The following MARCHF1 variants were observed in gnomAD, a reference collection of about 807,000 sequenced individuals.
MARCHF1 encodes E3 ubiquitin-protein ligase MARCHF1.
Under a neutral mutation model 54.2 loss-of-function variants are expected in MARCHF1, and 40 were observed. That is an observed-to-expected ratio of 0.74 (90% CI 0.57 to 0.96). MARCHF1 has a LOEUF of 0.96. Ranked by LOEUF, MARCHF1 falls within the 40% of genes least tolerant of loss-of-function variation. The pLI, the probability that MARCHF1 is intolerant of heterozygous loss-of-function variation, is 0.00. For missense variants in MARCHF1, 586 were observed against 656.5 expected (o/e 0.89, Z 1.17); for synonymous variants, 236 against 236.3 (o/e 1.00, Z 0.01).
chr4:163,750,557 C>T (rs866146525), intron 4 of MARCHF1, among the ~76,000 whole-genome samples: 7 of 123,974 alleles, frequency 5.6e-5, no homozygotes, highest in Middle Eastern at 4.3e-3. Flanking sequence ...AATAAATAAA[C>T]GTATCTGACA....
chr4:163,756,631 C>CAAAAA, intron 4 of MARCHF1, among the ~76,000 whole-genome samples: 1 of 67,580 alleles, frequency 1.5e-5, no homozygotes, highest in Non-Finnish European at 2.4e-5. Flanking sequence ...GACTCTGTCT[C>CAAAAA]AAAAAAAAAA....
intron 4 of MARCHF1, among the ~76,000 whole-genome samples, chr4:163,832,626 A>C (rs1749060360): frequency 6.7e-6 from 1 of 150,264 alleles, no homozygotes; most frequent in African/African-American, 2.4e-5. Context: ...TTTAGGGTAC[A>C]TGTGCACAAC....
chr4:164,375,445 A>G (rs771437023), intron 1 of MARCHF1, among the ~76,000 whole-genome samples: 1 of 152,168 alleles, frequency 6.6e-6, no homozygotes, highest in Non-Finnish European at 1.5e-5. Flanking sequence ...ACATTGAGTA[A>G]TAAATAAATA....
chr4:164,255,190 G>T (rs1733243244), intron 1 of MARCHF1, among the ~76,000 whole-genome samples: 1 of 152,068 alleles, frequency 6.6e-6, no homozygotes, highest in African/African-American at 2.4e-5. Flanking sequence ...GTTGCCATCA[G>T]GGAAAGCTGG....
At chr4:163,663,341 C>T (rs1048483141) in intron 5 of MARCHF1, among the ~76,000 whole-genome samples, 1 of 151,302 alleles carries the variant, frequency 6.6e-6, no homozygotes, top group Non-Finnish European at 1.5e-5. Flanking sequence ...CACAACTGAC[C>T]ACCCCCCAGG....
intron 3 of MARCHF1, among the ~76,000 whole-genome samples, chr4:163,977,076 AGT>A (rs2110855511): frequency 6.6e-6 from 1 of 152,134 alleles, no homozygotes; most frequent in South Asian, 2.1e-4. Flanking sequence ...TATATAAAAC[AGT>A]GCTAAGTCAA....
At chr4:163,806,786 C>G (rs1748236461) in intron 4 of MARCHF1, among the ~76,000 whole-genome samples, 1 of 152,044 alleles carries the variant, frequency 6.6e-6, no homozygotes, top group African/African-American at 2.4e-5. Flanking sequence ...TTTTATGGAT[C>G]AATAAACCTG....
intron 1 of MARCHF1, among the ~76,000 whole-genome samples, chr4:164,113,556 G>A (rs1440472628): frequency 2.0e-5 from 3 of 152,072 alleles, no homozygotes; most frequent in South Asian, 2.1e-4. Context: ...GGTCAGCACC[G>A]GCGTTCTTAC....
At chr4:163,769,045 A>C (rs141900153) in intron 4 of MARCHF1, among the ~76,000 whole-genome samples, 1 of 152,200 alleles carries the variant, frequency 6.6e-6, no homozygotes, top group Non-Finnish European at 1.5e-5. Context: ...CTTAGTTAGC[A>C]AAAGACTATT....
intron 1 of MARCHF1, among the ~76,000 whole-genome samples, chr4:164,172,996 A>AAAAAAAT: frequency 6.6e-6 from 1 of 151,920 alleles, no homozygotes; most frequent in African/African-American, 2.4e-5. Flanking sequence ...AAAAAAAAAA[A>AAAAAAAT]GTCACTGTAA....
chr4:164,215,371 T>C (rs1463100795), intron 1 of MARCHF1, among the ~76,000 whole-genome samples: 2 of 152,164 alleles, frequency 1.3e-5, no homozygotes, highest in East Asian at 3.9e-4. Flanking sequence ...CTTCCACCGA[T>C]GCATTCCTCT....
At chr4:164,145,807 G>A (rs1729700602) in intron 1 of MARCHF1, among the ~76,000 whole-genome samples, 1 of 125,486 alleles carries the variant, frequency 8.0e-6, no homozygotes, top group Non-Finnish European at 1.7e-5. Context: ...ACATAGTGTT[G>A]GAAGTTCTGG....
intron 1 of MARCHF1, among the ~76,000 whole-genome samples, chr4:164,286,612 G>T (rs1734152607): frequency 1.3e-5 from 2 of 151,806 alleles, no homozygotes; most frequent in South Asian, 4.2e-4. Context: ...TAGAAGCCAT[G>T]GGAATATGTG....
At chr4:163,648,621 A>C (rs1020793072) in intron 5 of MARCHF1, among the ~76,000 whole-genome samples, 2 of 151,422 alleles carry the variant, frequency 1.3e-5, no homozygotes, top group African/African-American at 4.8e-5. Context: ...CTAAAAAAAA[A>C]AAAAAAAACT....
chr4:164,092,639 T>C (rs1755329117), intron 2 of MARCHF1, among the ~76,000 whole-genome samples: 1 of 152,180 alleles, frequency 6.6e-6, no homozygotes, highest in Non-Finnish European at 1.5e-5. Context: ...AAAACTTTCG[T>C]CTGCAGTGCT....
intron 1 of MARCHF1, among the ~76,000 whole-genome samples, chr4:164,298,763 C>CCTCA (rs1405651954): frequency 3.9e-5 from 6 of 152,172 alleles, no homozygotes; most frequent in African/African-American, 1.2e-4. Context: ...AATTGCTCTT[C>CCTCA]TGAGAGTGTC....
intron 3 of MARCHF1, among the ~76,000 whole-genome samples, chr4:163,903,432 T>C (rs114335055): frequency 0.016 from 2,381 of 152,296 alleles, 27 homozygotes; most frequent in Non-Finnish European, 0.025. Context: ...GAGATAAGCA[T>C]AGAGATTTTC....
At chr4:163,832,693 CTCG>C (rs1749062773) in intron 4 of MARCHF1, among the ~76,000 whole-genome samples, 1 of 150,490 alleles carries the variant, frequency 6.6e-6, no homozygotes, top group South Asian at 2.1e-4. Context: ...CACCCATTAA[CTCG>C]TCATTTAGCA....
At chr4:163,924,583 G>T (rs1751498934) in intron 3 of MARCHF1, among the ~76,000 whole-genome samples, 1 of 151,900 alleles carries the variant, frequency 6.6e-6, no homozygotes, top group Non-Finnish European at 1.5e-5. Context: ...TATGTATAGT[G>T]ACAAGAATTT....
Sources: allele counts gnomAD v4.1 joint callset (sites outside exome capture counted in the v4.1 genomes callset), GRCh38; gene constraint gnomAD v4.1.1; transcripts MANE v1.5; gene names NCBI Gene and HGNC (gene_info 2026-07-23, HGNC 2026-07-21).